The following PAX3 variants were observed in gnomAD, a reference collection of about 807,000 sequenced individuals.
PAX3 encodes paired box protein Pax-3.
In PAX3, 14 loss-of-function variants were observed where a neutral mutation model predicts 51.6. That is an observed-to-expected ratio of 0.27 (90% CI 0.18 to 0.42). The LOEUF (loss-of-function observed/expected upper bound fraction) is 0.42. Among genes scored for constraint, PAX3 ranks in the 10% least tolerant of loss-of-function variants. The pLI is 1.00. For synonymous variants in PAX3, 280 were observed against 253.4 expected, an observed-to-expected ratio of 1.11 and a Z score of -1.00; for missense variants, 540 against 642.8, an observed-to-expected ratio of 0.84 and a Z score of 1.73.
At chr2:222,298,303 G>T in intron 1 of PAX3, 1 of 578,400 alleles carries the variant, frequency 1.7e-6, no homozygotes, top group East Asian at 2.8e-5. Context: ...CCGGCTCGCC[G>T]CAGGCCTGAC....
intron 4 of PAX3, among the ~76,000 whole-genome samples, chr2:222,250,740 T>C (rs574354668): frequency 6.6e-6 from 1 of 152,362 alleles, no homozygotes; most frequent in Admixed American, 6.5e-5. Flanking sequence ...TATTCTCTTC[T>C]GAGATTTCTT....
intron 7 of PAX3, among the ~76,000 whole-genome samples, chr2:222,210,523 G>T (rs1559255916): frequency 6.6e-6 from 1 of 151,956 alleles, no homozygotes; most frequent in Non-Finnish European, 1.5e-5. Flanking sequence ...AATACAAAAA[G>T]AAAAACAACA....
chr2:222,228,971 C>T (rs1310391859), intron 5 of PAX3, among the ~76,000 whole-genome samples: 1 of 151,896 alleles, frequency 6.6e-6, no homozygotes, highest in African/African-American at 2.4e-5. Flanking sequence ...AACAAAAAAG[C>T]AGATCTAGTA....
intron 4 of PAX3, among the ~76,000 whole-genome samples, chr2:222,237,668 A>G (rs1692851295): frequency 6.6e-6 from 1 of 152,252 alleles, no homozygotes; most frequent in South Asian, 2.1e-4. Context: ...TAAGAAATCA[A>G]AGTAGTTCAT....
At chr2:222,274,566 A>C (rs1196156094) in intron 4 of PAX3, among the ~76,000 whole-genome samples, 1 of 151,964 alleles carries the variant, frequency 6.6e-6, no homozygotes, top group African/African-American at 2.4e-5. Flanking sequence ...GCTACTTTAG[A>C]GTGGAAATGT....
chr2:222,256,969 T>C (rs1386623497), intron 4 of PAX3, among the ~76,000 whole-genome samples: 1 of 152,212 alleles, frequency 6.6e-6, no homozygotes, highest in Non-Finnish European at 1.5e-5. Context: ...ATAAAGCTAA[T>C]TTGAGACAAT....
At chr2:222,283,741 C>T (rs896226265) in intron 4 of PAX3, among the ~76,000 whole-genome samples, 44 of 152,234 alleles carry the variant, frequency 2.9e-4, no homozygotes, top group African/African-American at 1.1e-3. Flanking sequence ...GGCCAAGGAG[C>T]TTCGGCTGCC....
chr2:222,255,936 T>G (rs1270633090), intron 4 of PAX3, among the ~76,000 whole-genome samples: 1 of 145,286 alleles, frequency 6.9e-6, no homozygotes, highest in Non-Finnish European at 1.5e-5. Context: ...TTTTTTTTTT[T>G]TTTTGTATTT....
intron 5 of PAX3, among the ~76,000 whole-genome samples, chr2:222,224,919 C>G (rs1446849115): frequency 6.6e-6 from 1 of 152,084 alleles, no homozygotes; most frequent in Non-Finnish European, 1.5e-5. Flanking sequence ...TAGGAGAGAA[C>G]AGAAATTTAC....
At chr2:222,262,528 TC>T (rs1412985928) in intron 4 of PAX3, 1 of 152,140 alleles carries the variant, frequency 6.6e-6, no homozygotes, top group African/African-American at 2.4e-5. Context: ...TTCATTTTTT[TC>T]ATCACTCTTT....
rs75181314 is a variant in PAX3 at position 222,217,732 on chromosome 2, A to G, written c.1173+2408T>C. Reference sequence around the variant, plus strand: ...CCTTTCTCTAGTCTCTTCTTTAGTTAACAAGTAAACCAGGGTGTTAGACAT... The same window carrying G: ...CCTTTCTCTAGTCTCTTCTTTAGTTGACAAGTAAACCAGGGTGTTAGACAT... On this transcript the variant is annotated intron_variant, in intron 7 of 8. Transcript: ENST00000392070. Among the ~76,000 whole-genome samples, 67 of 152,316 alleles carry G rather than the reference A, an allele frequency of 4.4e-4. No homozygotes were observed. The East Asian group carries it at 0.012, about 28-fold the overall frequency.
intron 4 of PAX3, among the ~76,000 whole-genome samples, chr2:222,245,557 T>C (rs1259847923): frequency 6.6e-6 from 1 of 152,144 alleles, no homozygotes; most frequent in African/African-American, 2.4e-5. Flanking sequence ...CCACATTGCC[T>C]TTTCAGGGAC....
intron 4 of PAX3, among the ~76,000 whole-genome samples, chr2:222,290,781 G>A (rs538413312): frequency 7.9e-5 from 12 of 152,254 alleles, no homozygotes; most frequent in African/African-American, 2.9e-4. Context: ...GGGGGAGAAG[G>A]AGGGGTGGAG....
At chr2:222,274,780 C>T (rs1404784304) in intron 4 of PAX3, among the ~76,000 whole-genome samples, 2 of 152,148 alleles carry the variant, frequency 1.3e-5, no homozygotes, top group Non-Finnish European at 2.9e-5. Flanking sequence ...CCACCCCAAG[C>T]TTGGCAAAGC....
intron 4 of PAX3, chr2:222,287,522 T>C (rs1333863198): frequency 3.3e-5 from 5 of 152,214 alleles, no homozygotes; most frequent in Non-Finnish European, 5.9e-5. Flanking sequence ...AGTGTGTGAA[T>C]ACACGGCCTA....
chr2:222,286,058 C>G (rs774454554), intron 4 of PAX3, among the ~76,000 whole-genome samples: 30 of 152,226 alleles, frequency 2.0e-4, no homozygotes, highest in Non-Finnish European at 4.0e-4. Context: ...CTGCCTCAGT[C>G]CCCCAAGTAG....
intron 4 of PAX3, among the ~76,000 whole-genome samples, chr2:222,270,131 A>T (rs879646262): frequency 6.6e-6 from 1 of 152,224 alleles, no homozygotes; most frequent in Non-Finnish European, 1.5e-5. Context: ...TACAGCTCAA[A>T]TCATAAATGA....
intron 4 of PAX3, among the ~76,000 whole-genome samples, chr2:222,259,665 GA>G (rs1030096377): frequency 3.3e-5 from 5 of 151,854 alleles, no homozygotes; most frequent in Admixed American, 6.6e-5. Flanking sequence ...TGTCATAAAG[GA>G]AAAAAAATTA....
At chr2:222,284,700 G>A (rs1475832640) in intron 4 of PAX3, among the ~76,000 whole-genome samples, 1 of 152,126 alleles carries the variant, frequency 6.6e-6, no homozygotes, top group Admixed American at 6.5e-5. Flanking sequence ...CTTGGGCAGA[G>A]CCCATCTGCT....
Sources: allele counts gnomAD v4.1 joint callset (sites outside exome capture counted in the v4.1 genomes callset), GRCh38; gene constraint gnomAD v4.1.1; transcripts MANE v1.5; gene names NCBI Gene and HGNC (gene_info 2026-07-23, HGNC 2026-07-21).